ADAMTS9: variants seen among roughly 807,000 people sequenced by gnomAD.
The protein encoded by ADAMTS9 is ADAM metallopeptidase with thrombospondin type 1 motif 9.
ADAMTS9 carries 107 observed loss-of-function variants against 257.1 expected under a neutral mutation model. That is an observed-to-expected ratio of 0.42 (90% CI 0.36 to 0.49). The LOEUF is 0.49. ADAMTS9 is among the 20% of genes least tolerant of loss of function. The pLI is 0.03. For synonymous variants in ADAMTS9, 982 were observed against 880.9 expected (o/e 1.11, Z -2.03); for missense variants, 2,353 against 2,469.1 (o/e 0.95, Z 1.00).
intron 32 of ADAMTS9, among the ~76,000 whole-genome samples, chr3:64,545,872 A>G (rs572116822): frequency 6.6e-6 from 1 of 152,296 alleles, no homozygotes; most frequent in Admixed American, 6.5e-5. Flanking sequence ...CTGGGATTAC[A>G]GGTGTGAGCT....
chr3:64,534,590 C>T (rs1222684879), intron 37 of ADAMTS9, among the ~76,000 whole-genome samples: 1 of 152,172 alleles, frequency 6.6e-6, no homozygotes, highest in Non-Finnish European at 1.5e-5. Context: ...TTAGAGGTCT[C>T]TCAATGCCAG....
chr3:64,568,209 G>GTAAGTATCC (rs2106680936), intron 29 of ADAMTS9, among the ~76,000 whole-genome samples, 159 bp downstream of exon 29: 1 of 152,300 alleles, frequency 6.6e-6, no homozygotes, highest in East Asian at 1.9e-4. Context: ...CACACAGCTA[G>GTAAGTATCC]TAAGTATCCT....
chr3:64,535,147 G>A (rs1205934592), intron 37 of ADAMTS9, among the ~76,000 whole-genome samples: 1 of 152,144 alleles, frequency 6.6e-6, no homozygotes, highest in Non-Finnish European at 1.5e-5. Flanking sequence ...GGAGGCTGAG[G>A]CAGGTGGATC....
At chr3:64,531,933 G>C (rs1323188443) in intron 38 of ADAMTS9, among the ~76,000 whole-genome samples, 1 of 152,168 alleles carries the variant, frequency 6.6e-6, no homozygotes, top group African/African-American at 2.4e-5. Flanking sequence ...CACGTTCTCA[G>C]GACTTCAGAG....
At chr3:64,655,035 C>T (rs763970186) in intron 6 of ADAMTS9, among the ~76,000 whole-genome samples, 9 of 152,160 alleles carry the variant, frequency 5.9e-5, no homozygotes, top group African/African-American at 9.7e-5. Flanking sequence ...AGCCAGCACG[C>T]GTCTTTGTTG....
rs1467984125 is a variant in ADAMTS9 at position 64,687,518 on chromosome 3, G to A, written c.115+25C>T. ...GGGAGGCGGCGTCGGGGCCGGCGGG[G>A]TCCCGGGGGCCGGAGCCTGGTTACC... On this transcript the variant is annotated intron_variant, in intron 1 of 39. Transcript: ENST00000498707. The surrounding 1 kb of genome is among the most constrained non-coding windows in gnomAD (Gnocchi z 4.4). The A allele has an allele frequency of 6.6e-7, 1 of 1,507,532 alleles. No homozygotes were observed. Among genetic ancestry groups the A allele is most frequent in the Non-Finnish European group, 8.9e-7 (1 of 1,122,138 alleles). The allele number at this position is 1,507,532 out of a possible 1,614,324, so 93.4% of individuals were successfully genotyped here.
chr3:64,686,016 C>T lies in ADAMTS9; in HGVS notation c.516+552G>A, dbSNP rs1486839441. On this transcript the variant is annotated intron_variant, in intron 2 of 39. Coordinates refer to ENST00000498707, the MANE Select transcript of ADAMTS9 (RefSeq NM_182920.2). The surrounding 1 kb of genome is among the most constrained non-coding windows in gnomAD (Gnocchi z 4.6). The stretch of plus-strand genomic sequence containing the variant: ...GGGACGGGACCTGCTCCCTGTCAAT[C>T]CAGTTCAGCCTCAGGGTTCCTGGCG... 2.0e-5 allele frequency among the ~76,000 whole-genome samples: 3 copies of T among 152,230 alleles called. No individual in the cohort carries two copies. Among genetic ancestry groups the T allele is most frequent in the Admixed American group, 2.0e-4 (3 of 15,288 alleles).
intron 28 of ADAMTS9, among the ~76,000 whole-genome samples, chr3:64,573,297 G>T (rs563861580): frequency 6.6e-6 from 1 of 152,244 alleles, no homozygotes; most frequent in Non-Finnish European, 1.5e-5. Context: ...GGTCTGGATT[G>T]ATGAGATTCT....
At chr3:64,673,536 C>A (rs184144384) in intron 3 of ADAMTS9, among the ~76,000 whole-genome samples, 1 of 152,048 alleles carries the variant, frequency 6.6e-6, no homozygotes, top group Non-Finnish European at 1.5e-5. Flanking sequence ...TGAAAAGTTG[C>A]GTAAGAGACA....
chr3:64,541,484 C>T, intron 34 of ADAMTS9, 42 bp downstream of exon 34: 1 of 1,608,230 alleles, frequency 6.2e-7, no homozygotes, highest in Non-Finnish European at 8.5e-7. Flanking sequence ...ATCACTCACT[C>T]TAAAAACATT....
intron 30 of ADAMTS9, among the ~76,000 whole-genome samples, chr3:64,555,461 C>A (rs567934742): frequency 1.3e-5 from 2 of 152,200 alleles, no homozygotes; most frequent in East Asian, 3.9e-4. Flanking sequence ...GGCTTCGTAC[C>A]CTGTCTCTCT....
intron 34 of ADAMTS9, 46 bp from the exon 35 acceptor site, chr3:64,541,460 T>C: frequency 6.2e-7 from 1 of 1,608,378 alleles, no homozygotes; most frequent in East Asian, 2.2e-5. Flanking sequence ...AGAAATGAGG[T>C]AATGAGAGCG....
chr3:64,594,175 C>T (rs2084316151), intron 28 of ADAMTS9, 83 bp downstream of exon 28: 2 of 1,433,214 alleles, frequency 1.4e-6, no homozygotes, highest in South Asian at 1.4e-5. Flanking sequence ...GTAAGTGTGA[C>T]AATTATCTGC....
chr3:64,572,843 G>A (rs1469926880), intron 28 of ADAMTS9, among the ~76,000 whole-genome samples: 1 of 152,030 alleles, frequency 6.6e-6, no homozygotes, highest in East Asian at 1.9e-4. Flanking sequence ...ACTTTGGGAG[G>A]CCGAGGCAGG....
rs139789367 is a variant in ADAMTS9 at position 64,631,689 on chromosome 3, C to G, written c.2293+119G>C. The G allele has an allele frequency of 6.8e-6, 8 of 1,182,838 alleles. No homozygotes were observed. In the African/African-American group the frequency reaches 1.1e-4, roughly 16 times the overall value. The allele number at this position is 1,182,838 out of a possible 1,614,324, so 73.3% of individuals were successfully genotyped here. On this transcript the variant is annotated intron_variant, in intron 15 of 39. Transcript: ENST00000498707. ...AGGTGCCTTCTAGTCGATGGATAAT[C>G]CACCATAACGAGACTGATTTTTATG...
intron 2 of ADAMTS9, among the ~76,000 whole-genome samples, chr3:64,683,923 G>A (rs113455909): frequency 4.6e-5 from 7 of 151,912 alleles, no homozygotes; most frequent in African/African-American, 1.7e-4. Context: ...GAGGGGGAGA[G>A]ATGACATCAA....
intron 3 of ADAMTS9, among the ~76,000 whole-genome samples, chr3:64,672,674 C>T (rs917569587): frequency 1.4e-4 from 9 of 63,064 alleles, no homozygotes; most frequent in Non-Finnish European, 2.5e-4. Context: ...CAGAGCAAGA[C>T]TCTCAAAACA....
chr3:64,622,573 A>G lies in ADAMTS9; in HGVS notation c.2403T>C (p.Ser801=), dbSNP rs200541576. The G allele has an allele frequency of 4.3e-5, 69 of 1,613,884 alleles. No homozygotes were observed. Among genetic ancestry groups the G allele is most frequent in the Non-Finnish European group, 5.3e-5 (63 of 1,179,928 alleles). Residue 801 remains serine (S), a synonymous_variant, in exon 17 of 40, where the codon AGT becomes AGC. Coordinates refer to ENST00000498707, the MANE Select transcript of ADAMTS9 (RefSeq NM_182920.2). Reference sequence around the variant, plus strand: ...TTCCATTTAGCAAGAATTCACCTTTACTGCTTGATAAAGCTGTAGGTGAAG... The same window carrying G: ...TTCCATTTAGCAAGAATTCACCTTTGCTGCTTGATAAAGCTGTAGGTGAAG... ...DDDNYLALSS[S]KGEFLLNGNF...
chr3:64,594,091 A>G (rs905740227), intron 28 of ADAMTS9, among the ~76,000 whole-genome samples, 167 bp downstream of exon 28: 6 of 152,140 alleles, frequency 3.9e-5, no homozygotes, highest in South Asian at 4.1e-4. Context: ...CAATATCATA[A>G]AAAGTTAATT....
Sources: allele counts gnomAD v4.1 joint callset (sites outside exome capture counted in the v4.1 genomes callset), GRCh38; gene constraint gnomAD v4.1.1; non-coding constraint Gnocchi (gnomAD v3.1); transcripts MANE v1.5; gene names NCBI Gene and HGNC (gene_info 2026-07-23, HGNC 2026-07-21).